The following SPPL3 variants were observed in gnomAD, a reference collection of about 807,000 sequenced individuals.
SPPL3 encodes signal peptide peptidase-like 3.
In SPPL3, 5 loss-of-function variants were observed where a neutral mutation model predicts 42.4. The ratio of observed to expected loss-of-function variants is 0.12; its 90% CI spans 0.06 to 0.25. The LOEUF (loss-of-function observed/expected upper bound fraction) is 0.25. Ranked by LOEUF, SPPL3 falls within the 10% of genes least tolerant of loss-of-function variation. The probability of loss-of-function intolerance (pLI) is 1.00; values close to 1 mark genes in which losing one functional copy is unlikely to be tolerated. For missense variants in SPPL3, 235 were observed against 489.0 expected (o/e 0.48, Z 4.90); for synonymous variants, 195 against 181.8 (o/e 1.07, Z -0.58).
chr12:120,862,410 A>G lies in SPPL3; in HGVS notation c.23+41435T>C, dbSNP rs74870250. Among the ~76,000 whole-genome samples, 517 of 152,248 alleles carry G rather than the reference A, an allele frequency of 3.4e-3. 3 individuals are homozygous for G. The highest frequency in any genetic ancestry group is 0.012 in the African/African-American group (499 of 41,554). On this transcript the variant is annotated intron_variant, in intron 1 of 10. Coordinates refer to ENST00000353487, the MANE Select transcript of SPPL3 (RefSeq NM_139015.5). ...GGTCTCATGAGATTGCCTCTATTTC[A>G]GGTGCCGGTATCAAGTCCAGGTCAC... is the stretch of plus-strand genomic sequence containing the variant.
At chr12:120,893,570 CCT>C (rs767684623) in intron 1 of SPPL3, among the ~76,000 whole-genome samples, 22 of 152,084 alleles carry the variant, frequency 1.4e-4, no homozygotes, top group African/African-American at 1.2e-4. Flanking sequence ...ATGACCTACC[CCT>C]GATTGGGCTT....
rs538665573 is a variant in SPPL3, at chr12:120,788,424, A to G, written c.190+3045T>C. Reference sequence around the variant, plus strand: ...ACCCTAGGGCACCCTGCAGCGAGAAACTTTCAATTACAAACTGATTTCTCC... The same window carrying G: ...ACCCTAGGGCACCCTGCAGCGAGAAGCTTTCAATTACAAACTGATTTCTCC... On this transcript the variant is annotated intron_variant, in intron 3 of 10. Coordinates refer to ENST00000353487, the MANE Select transcript of SPPL3 (RefSeq NM_139015.5). 2.0e-5 allele frequency among the ~76,000 whole-genome samples: 3 copies of G among 152,154 alleles called. No individual in the cohort carries two copies. The East Asian group carries it at 5.8e-4, about 29-fold the overall frequency.
At chr12:120,844,234 C>T (rs1343621311) in intron 1 of SPPL3, among the ~76,000 whole-genome samples, 1 of 152,202 alleles carries the variant, frequency 6.6e-6, no homozygotes, top group African/African-American at 2.4e-5. Context: ...GCAAAATCTA[C>T]AGCACAAGTA....
chr12:120,776,263 A>G (rs1450396367), intron 6 of SPPL3, among the ~76,000 whole-genome samples: 1 of 152,268 alleles, frequency 6.6e-6, no homozygotes, highest in Non-Finnish European at 1.5e-5. Context: ...CTGAACATTC[A>G]GCAAAACTTT....
chr12:120,886,980 A>T (rs1411350741), intron 1 of SPPL3, among the ~76,000 whole-genome samples: 1 of 147,748 alleles, frequency 6.8e-6, no homozygotes, highest in Non-Finnish European at 1.5e-5. Flanking sequence ...TGATATAATA[A>T]TTTTTTTTTT....
rs779474350 is a variant in SPPL3 at position 120,764,981 on chromosome 12, C to CA, written c.*17dup. 2.5e-6 allele frequency: 4 copies of CA among 1,612,940 alleles called. No individual in the cohort carries two copies. Among genetic ancestry groups the CA allele is most frequent in the Non-Finnish European group, 2.5e-6 (3 of 1,179,398 alleles). ...AAAAGGACTATGACGGCCATCTGGT[C>CA]ACTTTCCACGTGATCCATCATACTT... On this transcript the variant is annotated 3_prime_UTR_variant, in exon 11 of 11. Transcript: ENST00000353487.
intron 1 of SPPL3, among the ~76,000 whole-genome samples, chr12:120,901,590 T>TAAAAAAAAA (rs754148484): frequency 1.9e-5 from 2 of 103,446 alleles, no homozygotes; most frequent in African/African-American, 3.8e-5. Context: ...GACTCCGTCC[T>TAAAAAAAAA]AAAAAAAAAA....
intron 4 of SPPL3, chr12:120,784,174 T>C (rs1425198058): frequency 1.2e-5 from 3 of 252,254 alleles, no homozygotes; most frequent in South Asian, 1.4e-4. Flanking sequence ...TCTGGTAATC[T>C]AGAAAAAGCG....
chr12:120,810,105 A>G (rs1870636792), intron 2 of SPPL3, among the ~76,000 whole-genome samples: 1 of 151,958 alleles, frequency 6.6e-6, no homozygotes, highest in South Asian at 2.1e-4. Context: ...TCTCCTGAGT[A>G]GCTGGGACCA....
chr12:120,858,574 C>G (rs1288915682), intron 1 of SPPL3, among the ~76,000 whole-genome samples: 1 of 151,534 alleles, frequency 6.6e-6, no homozygotes, highest in Non-Finnish European at 1.5e-5. Context: ...GAACACTAAA[C>G]TAAAAGAAAC....
rs1418489165 is a variant in SPPL3, at chr12:120,839,635, A to G, written c.24-28749T>C. 3.2e-4 allele frequency among the ~76,000 whole-genome samples: 49 copies of G among 152,134 alleles called. 1 individual carries two copies. Among genetic ancestry groups the G allele is most frequent in the Admixed American group, 3.2e-3 (49 of 15,270 alleles). ...AAATTCCTAACTCTGCAGCTAAATG[A>G]TTTTTTCAGTATGTATGTACATGTG... On this transcript the variant is annotated intron_variant, in intron 1 of 10. Coordinates refer to ENST00000353487, the MANE Select transcript of SPPL3 (RefSeq NM_139015.5).
At chr12:120,810,079 C>T (rs1326839050) in intron 2 of SPPL3, among the ~76,000 whole-genome samples, 2 of 151,748 alleles carry the variant, frequency 1.3e-5, no homozygotes, top group African/African-American at 4.8e-5. Flanking sequence ...CTTAAGTGAT[C>T]CTTCTTCTGC....
intron 1 of SPPL3, among the ~76,000 whole-genome samples, chr12:120,867,756 T>A (rs961900917): frequency 1.7e-3 from 8 of 4,776 alleles, no homozygotes; most frequent in Non-Finnish European, 9.0e-3. Flanking sequence ...AAAAAAAAAT[T>A]TTTTTTTGAG....
intron 2 of SPPL3, among the ~76,000 whole-genome samples, chr12:120,804,454 A>G (rs377729120): frequency 3.3e-5 from 5 of 152,200 alleles, no homozygotes; most frequent in African/African-American, 1.2e-4. Context: ...ACACCAAAGA[A>G]GAGACATAGA....
intron 1 of SPPL3, among the ~76,000 whole-genome samples, chr12:120,841,285 A>T (rs1310957725): frequency 2.0e-5 from 3 of 152,060 alleles, no homozygotes; most frequent in Admixed American, 6.5e-5. Flanking sequence ...TGGTCGTGGC[A>T]CTGAACTCCA....
chr12:120,810,694 A>C, intron 2 of SPPL3, 115 bp downstream of exon 2: 1 of 770,874 alleles, frequency 1.3e-6, no homozygotes, highest in Non-Finnish European at 2.2e-6. Context: ...TCTGAGTCAA[A>C]TCCTGCCGAA....
intron 1 of SPPL3, among the ~76,000 whole-genome samples, chr12:120,881,465 C>A (rs200308973): frequency 0.015 from 777 of 52,852 alleles, no homozygotes; most frequent in African/African-American, 0.029. Flanking sequence ...GAGACTGCCT[C>A]AAAAAAAAAA....
intron 1 of SPPL3, among the ~76,000 whole-genome samples, chr12:120,878,900 G>A (rs898356261): frequency 1.3e-5 from 2 of 151,820 alleles, no homozygotes; most frequent in African/African-American, 4.8e-5. Flanking sequence ...GATCACCTGA[G>A]GTCGCGAGTT....
Position 120,852,963 on chromosome 12 carries a change from C to T in SPPL3, c.24-42077G>A, listed in dbSNP as rs776917912. Among the ~76,000 whole-genome samples the T allele has an allele frequency of 4.7e-5, 7 of 149,414 alleles. No homozygotes were observed. In the East Asian group the frequency reaches 5.8e-4, roughly 12 times the overall value. The stretch of plus-strand genomic sequence containing the variant: ...AGGCTGGAGTGCAGTGGTGCATTCT[C>T]GGCTTACTGCAACCTCCACCTCTTG... On this transcript the variant is annotated intron_variant, in intron 1 of 10. Transcript: ENST00000353487.
Sources: allele counts gnomAD v4.1 joint callset (sites outside exome capture counted in the v4.1 genomes callset), GRCh38; gene constraint gnomAD v4.1.1; transcripts MANE v1.5; gene names NCBI Gene and HGNC (gene_info 2026-07-23, HGNC 2026-07-21).